Variants in XAGE5 observed in about 807,000 individuals in gnomAD.
The protein encoded by XAGE5 is X antigen family member 5, also known as G antigen, family D, 5.
XAGE5 carries 13 observed loss-of-function variants against 13.1 expected under a neutral mutation model. That is an observed-to-expected ratio of 0.99 (90% CI 0.64 to 1.57). The LOEUF is 1.57. Ranked by LOEUF, XAGE5 falls within the 40% of genes most tolerant of loss-of-function variation. The pLI is 0.00. For synonymous variants in XAGE5, 17 were observed against 25.0 expected, an observed-to-expected ratio of 0.68 and a Z score of 0.96; for missense variants, 86 against 77.6, an observed-to-expected ratio of 1.11 and a Z score of -0.41.
rs1926798444 is a variant in XAGE5 at position 52,811,619 on chromosome X, G to A, written c.-109G>A. Among the ~76,000 whole-genome samples, 1 of 110,783 alleles carries A rather than the reference G, an allele frequency of 9.0e-6. No individual in the cohort carries two copies. Among genetic ancestry groups the A allele is most frequent in the African/African-American group, 3.3e-5 (1 of 30,375 alleles). On this transcript the variant is annotated 5_prime_UTR_variant, in exon 2 of 6. In the 5' UTR this introduces an upstream ATG that the reference lacks. Transcript: ENST00000375501. ...TAGGTGAAGCTGGGGCAATGCTGGG[G>A]TGCTGTTGGTGGTATTCCAGTCCCA...
At chrX:52,814,099 A>C in intron 4 of XAGE5, 1 of 265,638 alleles carries the variant, frequency 3.8e-6, no homozygotes, top group Non-Finnish European at 7.5e-6. Flanking sequence ...ATTTTGTTCC[A>C]AGGTGTGCAT....
At chrX:52,812,751 G>T (rs782691054) in intron 3 of XAGE5, 113 bp downstream of exon 3, 5 of 699,922 alleles carry the variant, frequency 7.1e-6, no homozygotes, top group South Asian at 2.7e-5. Flanking sequence ...GATAAAAAAT[G>T]ATCATGGCAT....
In XAGE5 at chrX:52,817,565, T is replaced by C. The variant is rs782009201; in HGVS notation, c.305-626T>C. Among the ~76,000 whole-genome samples the C allele has an allele frequency of 1.2e-4, 13 of 112,121 alleles. 1 individual carries two copies. The South Asian group carries it at 4.8e-3, about 41-fold the overall frequency. On this transcript the variant is annotated intron_variant, in intron 5 of 5. Coordinates refer to ENST00000375501, the MANE Select transcript of XAGE5 (RefSeq NM_001386970.1). The stretch of plus-strand genomic sequence containing the variant: ...AAACTGGATGCAAATGGTTAGTGTA[T>C]GTTAAAAAAGAACAAAGAAGGGTAA...
chrX:52,815,471 C>G (rs1926889472), intron 5 of XAGE5, among the ~76,000 whole-genome samples: 1 of 112,087 alleles, frequency 8.9e-6, no homozygotes, highest in Non-Finnish European at 1.9e-5. Flanking sequence ...TTATAACCAA[C>G]AGCTAACAAT....
intron 3 of XAGE5, among the ~76,000 whole-genome samples, 184 bp from the exon 4 acceptor site, chrX:52,812,956 G>A (rs1926828417): frequency 1.8e-5 from 2 of 111,947 alleles, no homozygotes; most frequent in Admixed American, 9.5e-5. Context: ...CTCTCTATGG[G>A]AACAGTAACT....
intron 5 of XAGE5, 106 bp from the exon 6 acceptor site, chrX:52,818,085 T>G (rs1926943729): frequency 1.0e-6 from 1 of 982,592 alleles, no homozygotes. Context: ...ATTCTGGTTT[T>G]AGTCCACTGT....
chrX:52,818,118 C>CT (rs1926944228), intron 5 of XAGE5, 73 bp from the exon 6 acceptor site: 3 of 1,167,785 alleles, frequency 2.6e-6, no homozygotes, highest in Non-Finnish European at 3.5e-6. Flanking sequence ...CTTTGGTGTC[C>CT]TTTGCATACC....
Position 52,813,180 on chromosome X carries a change from C to T in XAGE5, c.113C>T (p.Thr38Ile), listed in dbSNP as rs782568415. 1 of 1,209,177 alleles carries T rather than the reference C, an allele frequency of 8.3e-7. No homozygotes were observed. Among genetic ancestry groups the T allele is most frequent in the East Asian group, 3.0e-5 (1 of 33,743 alleles). ...GAGCCTCAACAAGAAGAACCACCAA[C>T]TGAAAGTCAGGATCATACACCTGGT... ...VPEPQQEEPP[T>I]ESQDHTPGQK... Residue 38 changes from threonine (T) to isoleucine (I), a missense_variant, in exon 4 of 6, where the codon ACT (threonine) becomes ATT (isoleucine). Transcript: ENST00000375501.
chrX:52,817,680 T>G (rs782704361), intron 5 of XAGE5, among the ~76,000 whole-genome samples: 15 of 112,461 alleles, frequency 1.3e-4, no homozygotes, highest in African/African-American at 4.8e-4. Flanking sequence ...CTTATGTATT[T>G]CCTAATGTGA....
chrX:52,813,252 G>C lies in XAGE5; in HGVS notation c.178+7G>C. The C allele has an allele frequency of 1.7e-6, 2 of 1,203,848 alleles. No homozygotes were observed. Among genetic ancestry groups the C allele is most frequent in the Non-Finnish European group, 2.2e-6 (2 of 889,221 alleles). ...GGTGCAGCTGAGATTCAAGGTGCTG[G>C]GAAGGGAAAGAAGGAATGTCTATGG... is the stretch of plus-strand genomic sequence containing the variant. On this transcript the variant is annotated splice_region_variant and intron_variant, in intron 4 of 5. Transcript: ENST00000375501.
intron 4 of XAGE5, chrX:52,814,483 A>T (rs1926865559): frequency 5.1e-6 from 1 of 195,380 alleles, no homozygotes; most frequent in Admixed American, 6.2e-5. Context: ...AACTAATCAG[A>T]GACAGAATTT....
chrX:52,813,341 A>T, intron 4 of XAGE5, 96 bp downstream of exon 4: 1 of 842,770 alleles, frequency 1.2e-6, no homozygotes. Context: ...GAAAGAAAGC[A>T]ATAGGAAAGG....
At chrX:52,817,737 C>T (rs1210179845) in intron 5 of XAGE5, among the ~76,000 whole-genome samples, 1 of 112,185 alleles carries the variant, frequency 8.9e-6, no homozygotes, top group African/African-American at 3.2e-5. Flanking sequence ...TTTGTAGGAA[C>T]CTATTGGACA....
At chrX:52,816,987 CA>C (rs1348713370) in intron 5 of XAGE5, among the ~76,000 whole-genome samples, 2 of 110,998 alleles carry the variant, frequency 1.8e-5, no homozygotes, top group East Asian at 5.6e-4. Context: ...AAAACTAATC[CA>C]AAAGTAATAC....
At position 52,812,600 on chromosome X, in the gene XAGE5, C is replaced by T. The variant is rs782344676; in HGVS notation, c.34C>T (p.Arg12Ter). ...GCGAGGAAGAAGATATAGACCAAGACGATGTTTACGACTTGCTCAGCTGGT... is the reference window on the plus strand; with the variant it reads ...GCGAGGAAGAAGATATAGACCAAGATGATGTTTACGACTTGCTCAGCTGGT... ...SWRGRRYRPRRCLRLAQLVGP... is the reference protein window; with the variant it reads ...SWRGRRYRPR Residue 12 changes from arginine (R) to a stop codon, truncating the protein, a stop_gained, in exon 3 of 6, where the codon CGA becomes TGA. Coordinates refer to ENST00000375501, the MANE Select transcript of XAGE5 (RefSeq NM_001386970.1). LOFTEE classifies it high-confidence loss of function. 2.3e-5 allele frequency: 28 copies of T among 1,209,813 alleles called. No individual in the cohort carries two copies. The South Asian group carries it at 3.0e-4, about 13-fold the overall frequency.
intron 5 of XAGE5, among the ~76,000 whole-genome samples, chrX:52,816,272 A>T (rs1226105493): frequency 1.8e-5 from 2 of 112,016 alleles, no homozygotes; most frequent in Non-Finnish European, 3.8e-5. Context: ...GCAGGAACCT[A>T]CTGGACATTC....
At chrX:52,814,884 A>G (rs1266763493) in intron 4 of XAGE5, 1 of 411,102 alleles carries the variant, frequency 2.4e-6, no homozygotes, top group Non-Finnish European at 4.2e-6. Flanking sequence ...TATAATACAC[A>G]TTAGTAAAGT....
In XAGE5 at chrX:52,811,426, C is replaced by T. The variant is rs1926791233; in HGVS notation, c.-181+14C>T. 9.0e-6 allele frequency among the ~76,000 whole-genome samples: 1 copy of T among 111,468 alleles called. No homozygotes were observed. Among genetic ancestry groups the T allele is most frequent in the Non-Finnish European group, 1.9e-5 (1 of 53,028 alleles). On this transcript the variant is annotated intron_variant, in intron 1 of 5. Coordinates refer to ENST00000375501, the MANE Select transcript of XAGE5 (RefSeq NM_001386970.1). ...GGGAGTTGAAGTGTGAGTGAGAGTG[C>T]GGAGGAGCCAGCGGGCTTCCGGAGG...
chrX:52,817,740 A>C (rs1355265314), intron 5 of XAGE5, among the ~76,000 whole-genome samples: 1 of 112,291 alleles, frequency 8.9e-6, no homozygotes, highest in Non-Finnish European at 1.9e-5. Context: ...GTAGGAACCT[A>C]TTGGACATTC....
Sources: allele counts gnomAD v4.1 joint callset (sites outside exome capture counted in the v4.1 genomes callset), GRCh38; gene constraint gnomAD v4.1.1; transcripts MANE v1.5; gene names NCBI Gene and HGNC (gene_info 2026-07-23, HGNC 2026-07-21).